OXR1: variants seen among roughly 807,000 people sequenced by gnomAD.
OXR1 encodes oxidation resistance protein 1.
Under a neutral mutation model 104.6 loss-of-function variants are expected in OXR1, and 41 were observed. The ratio of observed to expected loss-of-function variants is 0.39; its 90% CI spans 0.31 to 0.51. The LOEUF (loss-of-function observed/expected upper bound fraction) is 0.51, where lower values mean the gene tolerates loss of function less well. Among genes scored for constraint, OXR1 ranks in the 20% least tolerant of loss-of-function variants. OXR1 has a pLI of 0.77. For missense variants in OXR1, 955 were observed against 1,031.9 expected (o/e 0.93, Z 1.02); for synonymous variants, 348 against 348.4 (o/e 1.00, Z 0.01).
chr8:106,486,875 A>C (rs1307307975), intron 2 of OXR1, among the ~76,000 whole-genome samples: 7 of 152,024 alleles, frequency 4.6e-5, no homozygotes. Context: ...ATAATAAGTT[A>C]TAATAATTAT....
At chr8:106,276,196 T>A (rs917445195) in intron 1 of OXR1, among the ~76,000 whole-genome samples, 2 of 152,200 alleles carry the variant, frequency 1.3e-5, no homozygotes, top group African/African-American at 2.4e-5. Flanking sequence ...CAGTAATAGG[T>A]GCAGGCTGTA....
chr8:106,672,193 T>C (rs2131164994), intron 3 of OXR1, among the ~76,000 whole-genome samples: 1 of 151,540 alleles, frequency 6.6e-6, no homozygotes, highest in African/African-American at 2.4e-5. Context: ...ATAGAACAAA[T>C]AGTGCTGGGC....
chr8:106,592,695 A>G (rs1377802295), intron 3 of OXR1, among the ~76,000 whole-genome samples: 1 of 152,170 alleles, frequency 6.6e-6, no homozygotes, highest in African/African-American at 2.4e-5. Context: ...AAACCATCCC[A>G]TATGATTGTA....
At chr8:106,298,549 C>T (rs1172510674) in intron 1 of OXR1, among the ~76,000 whole-genome samples, 1 of 152,104 alleles carries the variant, frequency 6.6e-6, no homozygotes, top group East Asian at 1.9e-4. Context: ...AATAAAGTCT[C>T]TGTCTCTATA....
At chr8:106,363,423 A>G (rs546799291) in intron 2 of OXR1, among the ~76,000 whole-genome samples, 3 of 152,382 alleles carry the variant, frequency 2.0e-5, no homozygotes, top group Non-Finnish European at 4.4e-5. Flanking sequence ...CTTAATATAA[A>G]GAAATAAACT....
Position 106,702,919 on chromosome 8 carries a change from G to T in OXR1, c.689G>T (p.Gly230Val). 6.2e-7 allele frequency: 1 copy of T among 1,613,044 alleles called. No homozygotes were observed. The highest frequency in any genetic ancestry group is 8.5e-7 in the Non-Finnish European group (1 of 1,179,266). ...TTTTCACCTTAGGGCACAGTCAGTG[G>T]TGTGCTGCTAGTTACACCAAATAAT... Reference protein sequence around the residue: ...YITSGKGTVSGVLLVTPNNIM... With the variant: ...YITSGKGTVSVVLLVTPNNIM... The change falls in exon 8 of 17, where the codon GGT becomes GTT. Residue 230 changes from glycine (G) to valine (V), a missense_variant. Transcript: ENST00000517566.
At chr8:106,339,270 C>T (rs1031458645) in intron 1 of OXR1, among the ~76,000 whole-genome samples, 2 of 150,952 alleles carry the variant, frequency 1.3e-5, no homozygotes, top group South Asian at 2.1e-4. Flanking sequence ...CTGAGGAGGG[C>T]AGATCACAAG....
chr8:106,709,260 G>T (rs1009623520), intron 9 of OXR1, among the ~76,000 whole-genome samples: 1 of 151,910 alleles, frequency 6.6e-6, no homozygotes, highest in Non-Finnish European at 1.5e-5. Context: ...CTATACTGTT[G>T]TATCCTGCTT....
intron 3 of OXR1, among the ~76,000 whole-genome samples, chr8:106,641,551 G>A (rs532613994): frequency 9.9e-5 from 15 of 152,140 alleles, no homozygotes; most frequent in Non-Finnish European, 1.8e-4. Context: ...TTATGGGAGC[G>A]CTGAATCTTT....
At chr8:106,401,112 C>T (rs1001976282) in intron 2 of OXR1, among the ~76,000 whole-genome samples, 9 of 152,134 alleles carry the variant, frequency 5.9e-5, no homozygotes, top group African/African-American at 1.7e-4. Flanking sequence ...CTAGACCATC[C>T]GGCTGTATCA....
intron 1 of OXR1, among the ~76,000 whole-genome samples, chr8:106,277,112 TAATG>T (rs1299859894): frequency 6.6e-6 from 1 of 152,202 alleles, no homozygotes; most frequent in Non-Finnish European, 1.5e-5. Context: ...GTAAAATAAA[TAATG>T]TATGTATTCT....
intron 3 of OXR1, among the ~76,000 whole-genome samples, chr8:106,623,008 G>A (rs1199441519): frequency 6.6e-6 from 1 of 152,104 alleles, no homozygotes; most frequent in African/African-American, 2.4e-5. Flanking sequence ...GAAAAATTAA[G>A]AAACTTATTC....
At chr8:106,480,476 C>T (rs755726302) in intron 2 of OXR1, among the ~76,000 whole-genome samples, 3 of 151,868 alleles carry the variant, frequency 2.0e-5, no homozygotes, top group African/African-American at 4.8e-5. Flanking sequence ...TTCCTTTGTA[C>T]TACTAATGTA....
intron 11 of OXR1, among the ~76,000 whole-genome samples, chr8:106,730,889 A>G (rs1366325646): frequency 2.6e-5 from 4 of 152,050 alleles, no homozygotes; most frequent in African/African-American, 9.7e-5. Flanking sequence ...TTTAAAAAAA[A>G]AAAGAAAGAA....
At chr8:106,594,283 G>A (rs186839587) in intron 3 of OXR1, among the ~76,000 whole-genome samples, 4 of 152,264 alleles carry the variant, frequency 2.6e-5, no homozygotes, top group Non-Finnish European at 4.4e-5. Context: ...ACTCTAATAA[G>A]GGTATGTCAG....
intron 3 of OXR1, among the ~76,000 whole-genome samples, chr8:106,592,948 G>A (rs1819211786): frequency 6.6e-6 from 1 of 152,132 alleles, no homozygotes; most frequent in Admixed American, 6.5e-5. Flanking sequence ...TTTTCTAAAT[G>A]TGACCCCTAC....
At chr8:106,713,799 A>T in intron 10 of OXR1, 24 bp from the exon 11 acceptor site, 1 of 1,451,994 alleles carries the variant, frequency 6.9e-7, no homozygotes, top group Non-Finnish European at 9.2e-7. Flanking sequence ...TACTAGGTAT[A>T]TTAATAGTCA....
At chr8:106,563,296 C>CAAAAAAAAAAAAAAAAAA (rs145929849) in intron 3 of OXR1, among the ~76,000 whole-genome samples, 1 of 125,772 alleles carries the variant, frequency 8.0e-6, no homozygotes, top group Non-Finnish European at 1.7e-5. Context: ...AAATGGAAAG[C>CAAAAAAAAAAAAAAAAAA]AAAAAAAAAA....
At chr8:106,730,743 A>T (rs1467533285) in intron 11 of OXR1, among the ~76,000 whole-genome samples, 1 of 152,118 alleles carries the variant, frequency 6.6e-6, no homozygotes, top group African/African-American at 2.4e-5. Context: ...ATACCAAGTA[A>T]CATGATTACT....
Sources: gnomAD v4.1 joint callset for allele counts (sites outside exome capture counted in the v4.1 genomes callset) on GRCh38, gnomAD v4.1.1 for gene constraint, MANE v1.5 for transcripts, NCBI Gene and HGNC (gene_info 2026-07-23, HGNC 2026-07-21) for gene names.